CCDC6: variants seen among roughly 807,000 people sequenced by gnomAD.
The protein encoded by CCDC6 is coiled-coil domain containing 6, also known as coiled-coil domain-containing protein 6.
CCDC6 carries 20 observed loss-of-function variants against 56.6 expected under a neutral mutation model. The ratio of observed to expected loss-of-function variants is 0.35; its 90% CI spans 0.25 to 0.51. CCDC6 has a LOEUF of 0.51. CCDC6 is among the 20% of genes least tolerant of loss of function. CCDC6 has a pLI of 0.95. For synonymous variants in CCDC6, 241 were observed against 234.4 expected (o/e 1.03, Z -0.26); for missense variants, 367 against 601.1 (o/e 0.61, Z 4.07).
chr10:59,829,942 G>T (rs2070821751), intron 3 of CCDC6, among the ~76,000 whole-genome samples: 1 of 152,180 alleles, frequency 6.6e-6, no homozygotes. Flanking sequence ...AAGTGAACTG[G>T]TGAAAGGATT....
chr10:59,800,448 T>G (rs1356389684), intron 7 of CCDC6, among the ~76,000 whole-genome samples: 4 of 152,230 alleles, frequency 2.6e-5, no homozygotes, highest in Non-Finnish European at 4.4e-5. Context: ...TTCAATGCCC[T>G]TGCAATCCAT....
chr10:59,822,872 G>A (rs1188414861), intron 3 of CCDC6, among the ~76,000 whole-genome samples: 1 of 150,554 alleles, frequency 6.6e-6, no homozygotes, highest in Non-Finnish European at 1.5e-5. Context: ...ACCACCCATG[G>A]CCCTGTCCCA....
intron 3 of CCDC6, among the ~76,000 whole-genome samples, chr10:59,820,747 CA>C (rs1411223311): frequency 1.5e-5 from 2 of 136,604 alleles, no homozygotes; most frequent in African/African-American, 2.8e-5. Context: ...GACTCTGTCT[CA>C]AAAAAAAAGA....
intron 3 of CCDC6, among the ~76,000 whole-genome samples, chr10:59,827,156 C>A (rs2070794825): frequency 6.6e-6 from 1 of 152,132 alleles, no homozygotes; most frequent in Admixed American, 6.5e-5. Flanking sequence ...GGAAACAGAT[C>A]CATGAAGATC....
At chr10:59,876,895 T>C (rs2071287098) in intron 1 of CCDC6, among the ~76,000 whole-genome samples, 1 of 152,174 alleles carries the variant, frequency 6.6e-6, no homozygotes, top group African/African-American at 2.4e-5. Flanking sequence ...GATTTCATCA[T>C]TGTGTGAACA....
At chr10:59,889,875 CT>C (rs1015717870) in intron 1 of CCDC6, among the ~76,000 whole-genome samples, 9 of 152,214 alleles carry the variant, frequency 5.9e-5, no homozygotes, top group African/African-American at 2.2e-4. Flanking sequence ...CAGCGTTCTG[CT>C]CCTGCTTATC....
At chr10:59,798,987 G>A (rs1209726369) in intron 7 of CCDC6, among the ~76,000 whole-genome samples, 4 of 61,448 alleles carry the variant, frequency 6.5e-5, no homozygotes, top group Non-Finnish European at 1.1e-4. Context: ...GAGCAAGACT[G>A]TTTCAAAAAA....
intron 3 of CCDC6, among the ~76,000 whole-genome samples, chr10:59,819,194 T>C (rs376116918): frequency 4.6e-5 from 7 of 152,300 alleles, no homozygotes; most frequent in South Asian, 2.1e-4. Flanking sequence ...TCTGGTAAAA[T>C]TGATTTTCAT....
intron 1 of CCDC6, among the ~76,000 whole-genome samples, chr10:59,869,231 A>G (rs920159589): frequency 9.2e-5 from 14 of 151,922 alleles, no homozygotes; most frequent in Non-Finnish European, 1.6e-4. Flanking sequence ...GAGAGCACTT[A>G]GCCAGAAAAG....
chr10:59,844,760 A>AG (rs3999572), intron 2 of CCDC6, among the ~76,000 whole-genome samples: 23,077 of 87,812 alleles, frequency 0.26, 2,573 homozygotes, highest in African/African-American at 0.48. Flanking sequence ...AAAAAAAAAA[A>AG]AAAGAGAGAG....
At position 59,791,607 on chromosome 10, in the gene CCDC6, C is replaced by T. The variant is rs2070468385; in HGVS notation, c.*1310G>A. ...ATTCTTGTCATAAAATATACATTCT[C>T]TAGTAAGTTATTTTCATCCACAGCA... On this transcript the variant is annotated 3_prime_UTR_variant, in exon 9 of 9. Coordinates refer to ENST00000263102, the MANE Select transcript of CCDC6 (RefSeq NM_005436.5). 5.0e-6 allele frequency: 1 copy of T among 200,518 alleles called. No individual in the cohort carries two copies. The allele number at this position is 200,518 out of a possible 1,614,324, so 12.4% of individuals were successfully genotyped here.
chr10:59,811,056 AG>A (rs1437889949), intron 5 of CCDC6, among the ~76,000 whole-genome samples: 1 of 152,282 alleles, frequency 6.6e-6, no homozygotes, highest in South Asian at 2.1e-4. Context: ...GAGGAAACAG[AG>A]GCTCCCCAAC....
At chr10:59,814,818 T>C in intron 3 of CCDC6, 63 bp from the exon 4 acceptor site, 2 of 1,081,634 alleles carry the variant, frequency 1.8e-6, no homozygotes, top group Non-Finnish European at 1.4e-6. Flanking sequence ...AATACATTTT[T>C]TGATTGAACA....
At chr10:59,844,852 G>C (rs1323350697) in intron 2 of CCDC6, among the ~76,000 whole-genome samples, 2 of 151,992 alleles carry the variant, frequency 1.3e-5, no homozygotes, top group Non-Finnish European at 2.9e-5. Context: ...GGAAGAAAGA[G>C]TGTTTAGCCC....
At chr10:59,834,139 C>G (rs2070859517) in intron 2 of CCDC6, among the ~76,000 whole-genome samples, 2 of 152,124 alleles carry the variant, frequency 1.3e-5, no homozygotes, top group Admixed American at 1.3e-4. Context: ...CAACTGAGAG[C>G]TGAGGCAAGC....
Position 59,906,449 on chromosome 10 carries a change from G to C in CCDC6, c.-25C>G. 6.7e-7 allele frequency: 1 copy of C among 1,484,222 alleles called. No homozygotes were observed. Among genetic ancestry groups the C allele is most frequent in the Non-Finnish European group, 8.8e-7 (1 of 1,133,346 alleles). The allele number at this position is 1,484,222 out of a possible 1,614,324, so 91.9% of individuals were successfully genotyped here. On this transcript the variant is annotated 5_prime_UTR_variant, in exon 1 of 9. Transcript: ENST00000263102. ...TGGCCGCGGCGGGCTGGGGAAAGGAGGAGGAGCAGCAGGGAGGCGGCGGCG... is the reference window on the plus strand; with the variant it reads ...TGGCCGCGGCGGGCTGGGGAAAGGACGAGGAGCAGCAGGGAGGCGGCGGCG...
intron 7 of CCDC6, among the ~76,000 whole-genome samples, chr10:59,801,580 G>A (rs1413042120): frequency 6.6e-6 from 1 of 152,006 alleles, no homozygotes; most frequent in Admixed American, 6.6e-5. Flanking sequence ...CCTTACAGTC[G>A]CATATCCCAC....
At chr10:59,800,087 A>C in intron 7 of CCDC6, among the ~76,000 whole-genome samples, 1 of 152,254 alleles carries the variant, frequency 6.6e-6, no homozygotes, top group East Asian at 1.9e-4. Context: ...ATTTTGAAAT[A>C]GTTTACAATT....
chr10:59,800,082 G>A (rs1445582327), intron 7 of CCDC6, among the ~76,000 whole-genome samples: 1 of 152,084 alleles, frequency 6.6e-6, no homozygotes, highest in Non-Finnish European at 1.5e-5. Context: ...TTTTTATTTT[G>A]AAATAGTTTA....
Sources: gnomAD v4.1 joint callset for allele counts (sites outside exome capture counted in the v4.1 genomes callset) on GRCh38, gnomAD v4.1.1 for gene constraint, MANE v1.5 for transcripts, NCBI Gene and HGNC (gene_info 2026-07-23, HGNC 2026-07-21) for gene names.